Variants in CLGN observed in about 807,000 individuals in gnomAD.
CLGN encodes the protein testis tissue sperm-binding protein Li 79P.
In CLGN, 62 loss-of-function variants were observed where a neutral mutation model predicts 79.1. The observed-to-expected ratio is 0.78, with a 90% CI of 0.64 to 0.97. The LOEUF (loss-of-function observed/expected upper bound fraction) is 0.97, where lower values mean the gene tolerates loss of function less well. Among genes scored for constraint, CLGN ranks in the 50% least tolerant of loss-of-function variants. The pLI, the probability that CLGN is intolerant of heterozygous loss-of-function variation, is 0.00. For missense variants in CLGN, 647 were observed against 715.5 expected, an observed-to-expected ratio of 0.90 and a Z score of 1.09; for synonymous variants, 225 against 224.7, an observed-to-expected ratio of 1.00 and a Z score of -0.01.
At chr4:140,407,276 T>A (rs767565457) in intron 4 of CLGN, among the ~76,000 whole-genome samples, 22 of 152,168 alleles carry the variant, frequency 1.4e-4, no homozygotes, top group East Asian at 3.9e-4. Flanking sequence ...TCTCGCCCCC[T>A]ATAAAGGTCT....
intron 8 of CLGN, among the ~76,000 whole-genome samples, chr4:140,398,260 AC>A (rs1728930639): frequency 7.5e-6 from 1 of 133,024 alleles, no homozygotes; most frequent in African/African-American, 2.9e-5. Context: ...GGGCAAACAT[AC>A]TCTTTTTTTT....
At position 140,396,185 on chromosome 4, in the gene CLGN, T is replaced by C. The variant is rs1419054439; in HGVS notation, c.905A>G (p.Gln302Arg). Residue 302 changes from glutamine to arginine, a missense_variant, in exon 9 of 15, where the codon CAA becomes CGA. By Grantham distance (43) the Gln-to-Arg change is conservative. Coordinates refer to ENST00000325617, the MANE Select transcript of CLGN (RefSeq NM_004362.3). Reference sequence around the variant, plus strand: ...TTTAACAACACTTGAATCTTCTATTTGGGCAGGTTCACTTTCATCCCTGTA... The same window carrying C: ...TTTAACAACACTTGAATCTTCTATTCGGGCAGGTTCACTTTCATCCCTGTA... Reference protein sequence around the residue: ...PEDWDESEPAQIEDSSVVKPA... With the variant: ...PEDWDESEPARIEDSSVVKPA... 5.6e-6 allele frequency: 9 copies of C among 1,614,120 alleles called. No individual in the cohort carries two copies. Among genetic ancestry groups the C allele is most frequent in the Non-Finnish European group, 7.6e-6 (9 of 1,179,960 alleles).
At chr4:140,404,177 C>T (rs1434546605) in intron 5 of CLGN, among the ~76,000 whole-genome samples, 5 of 151,708 alleles carry the variant, frequency 3.3e-5, no homozygotes, top group East Asian at 1.9e-4. Flanking sequence ...CACTGCAAGC[C>T]CTGCCTCCCG....
Position 140,393,905 on chromosome 4 carries a change from A to C in CLGN, c.1286T>G (p.Ile429Ser). The C allele has an allele frequency of 6.2e-7, 1 of 1,613,784 alleles. No individual in the cohort carries two copies. The highest frequency in any genetic ancestry group is 2.2e-5 in the East Asian group (1 of 44,802). ...TSDIYFDNFI[I>S]CSEKEVADHW... ...ATCTGCTACTTCCTTTTCCGAACAGATAATAAAATTATCAAAGTAGATATC... is the reference window on the plus strand; with the variant it reads ...ATCTGCTACTTCCTTTTCCGAACAGCTAATAAAATTATCAAAGTAGATATC... Residue 429 changes from isoleucine (I) to serine (S), a missense_variant, in exon 11 of 15, where the codon ATC (isoleucine) becomes AGC (serine). Ile to Ser is a moderately radical substitution (Grantham distance 142). Transcript: ENST00000325617.
chr4:140,398,263 C>CTTTTTTTTTTTTTTTTT (rs1162212217), intron 8 of CLGN, among the ~76,000 whole-genome samples: 1 of 86,776 alleles, frequency 1.2e-5, no homozygotes, highest in Non-Finnish European at 2.1e-5. Flanking sequence ...CAAACATACT[C>CTTTTTTTTTTTTTTTTT]TTTTTTTTTT....
chr4:140,423,087 G>A (rs1317601792), intron 1 of CLGN, among the ~76,000 whole-genome samples: 1 of 151,914 alleles, frequency 6.6e-6, no homozygotes, highest in Non-Finnish European at 1.5e-5. Flanking sequence ...CGGGAGAAGT[G>A]GAAAAAGCAG....
rs1728970307 is a variant in CLGN at position 140,400,101 on chromosome 4, T to C, written c.694+256A>G. Among the ~76,000 whole-genome samples the C allele has an allele frequency of 2.0e-5, 3 of 152,340 alleles. No individual in the cohort carries two copies. In the Middle Eastern group the frequency reaches 0.01, roughly 518 times the overall value. On this transcript the variant is annotated intron_variant, in intron 7 of 14. Transcript: ENST00000325617. ...CTGTACTTCAAGACGAGTTCAAATA[T>C]AATCTTTCCTAGCTTTGTTCCAAGT...
At chr4:140,404,934 A>AGG (rs1729071462) in intron 5 of CLGN, among the ~76,000 whole-genome samples, 10 of 150,766 alleles carry the variant, frequency 6.6e-5, no homozygotes, top group Admixed American at 6.6e-4. Flanking sequence ...GGGATTACAC[A>AGG]CATGAGGCAT....
intron 5 of CLGN, among the ~76,000 whole-genome samples, chr4:140,403,070 A>G (rs1407825915): frequency 6.6e-6 from 1 of 152,138 alleles, no homozygotes; most frequent in Non-Finnish European, 1.5e-5. Context: ...AAAGGAAACA[A>G]AATTTTAAGT....
intron 12 of CLGN, 57 bp downstream of exon 12, chr4:140,392,529 C>G: frequency 6.5e-7 from 1 of 1,543,452 alleles, no homozygotes; most frequent in Non-Finnish European, 8.7e-7. Context: ...ATTTATAGAA[C>G]TCTTAAACAA....
Position 140,399,034 on chromosome 4 carries a change from T to TGACTTAGGGACTTAG in CLGN, c.700_701insCTAAGTCCCTAAGTC (p.Asn234delinsThrLysSerLeuSerHis). ...TAACACCTCAAATGTGTCATCTGGA[T>TGACTTAGGGACTTAG]TCATCACTAAGGGACCAATTTAAAT... On this transcript the variant is annotated protein_altering_variant, in exon 8 of 15. Coordinates refer to ENST00000325617, the MANE Select transcript of CLGN (RefSeq NM_004362.3). 1 of 1,609,132 alleles carries TGACTTAGGGACTTAG rather than the reference T, an allele frequency of 6.2e-7. No homozygotes were observed.
intron 3 of CLGN, among the ~76,000 whole-genome samples, chr4:140,410,194 G>A (rs1460906429): frequency 6.6e-6 from 1 of 151,830 alleles, no homozygotes; most frequent in Non-Finnish European, 1.5e-5. Context: ...TTTTTTTAAG[G>A]ACATCTGACA....
chr4:140,396,002 C>A, intron 9 of CLGN, 33 bp from the exon 10 acceptor site: 1 of 1,604,922 alleles, frequency 6.2e-7, no homozygotes, highest in Non-Finnish European at 8.5e-7. Flanking sequence ...AATACAGTAA[C>A]CTCAAGTCTC....
In CLGN at chr4:140,400,452, G is replaced by T. The variant is rs778980746; in HGVS notation, c.599C>A (p.Pro200His). Residue 200 changes from proline (P) to histidine (H), a missense_variant, in exon 7 of 15, where the codon CCC (proline) becomes CAC (histidine). Pro to His is a moderately conservative substitution (Grantham distance 77). Coordinates refer to ENST00000325617, the MANE Select transcript of CLGN (RefSeq NM_004362.3). Reference sequence around the variant, plus strand: ...TTTCTCTTCGAAAACTCCAGTTTTGGGATGTTTATGTCTGAAGATAAAATG... The same window carrying T: ...TTTCTCTTCGAAAACTCCAGTTTTGTGATGTTTATGTCTGAAGATAAAATG... Reference protein sequence around the residue: ...KLHFIFRHKHPKTGVFEEKHA... With the variant: ...KLHFIFRHKHHKTGVFEEKHA... 2.5e-6 allele frequency: 4 copies of T among 1,610,362 alleles called. No individual in the cohort carries two copies. Among genetic ancestry groups the T allele is most frequent in the South Asian group, 1.1e-5 (1 of 90,926 alleles).
chr4:140,393,884 G>A lies in CLGN; in HGVS notation c.1307C>T (p.Ala436Val). 6.2e-7 allele frequency: 1 copy of A among 1,613,702 alleles called. No individual in the cohort carries two copies. Among genetic ancestry groups the A allele is most frequent in the Non-Finnish European group, 8.5e-7 (1 of 1,179,790 alleles). ...CCAACCATCTGCAGCCCAGTGATCT[G>A]CTACTTCCTTTTCCGAACAGATAAT... ...NFIICSEKEV[A>V]DHWAADGWRW... The change falls in exon 11 of 15, where the codon GCA (alanine) becomes GTA (valine). Residue 436 changes from alanine (A) to valine (V), a missense_variant. Transcript: ENST00000325617.
Position 140,396,473 on chromosome 4 carries a change from T to G in CLGN, c.885-268A>C, listed in dbSNP as rs562707176. Among the ~76,000 whole-genome samples, 90 of 152,228 alleles carry G rather than the reference T, an allele frequency of 5.9e-4. 1 individual carries two copies. The highest frequency in any genetic ancestry group is 2.2e-3 in the Admixed American group (34 of 15,278). On this transcript the variant is annotated intron_variant, in intron 8 of 14. Coordinates refer to ENST00000325617, the MANE Select transcript of CLGN (RefSeq NM_004362.3). ...TATACATAATGTATTAGACCTTGCT[T>G]TTGTTACTTAAAAACTCAGTCATTC...
In CLGN at chr4:140,393,986, G is replaced by A. The variant is rs774127578; in HGVS notation, c.1205C>T (p.Pro402Leu). 2.5e-5 allele frequency: 40 copies of A among 1,613,432 alleles called. No homozygotes were observed. Among genetic ancestry groups the A allele is most frequent in the Admixed American group, 3.3e-5 (2 of 59,986 alleles). Reference protein sequence around the residue: ...PNPDYFEDDHPFLLTSFSALG... With the variant: ...PNPDYFEDDHLFLLTSFSALG... Reference sequence around the variant, plus strand: ...AGCACTGAAAGAAGTCAGAAGAAATGGATGATCATCTTCGAAATAATCTGG... The same window carrying A: ...AGCACTGAAAGAAGTCAGAAGAAATAGATGATCATCTTCGAAATAATCTGG... Residue 402 changes from proline (P) to leucine (L), a missense_variant, in exon 11 of 15, where the codon CCA becomes CTA. Transcript: ENST00000325617.
rs1729246037 is a variant in CLGN, at chr4:140,413,085, T to C, written c.-7A>G. ...AAAAGGCTTGGAAATGCATATTGATTATCTGTGAAATTAAAAGTAATTAGT... is the reference window on the plus strand; with the variant it reads ...AAAAGGCTTGGAAATGCATATTGATCATCTGTGAAATTAAAAGTAATTAGT... On this transcript the variant is annotated splice_region_variant and 5_prime_UTR_variant, in exon 2 of 15. It adds an upstream start codon to the 5' untranslated region. Transcript: ENST00000325617. 6.2e-7 allele frequency: 1 copy of C among 1,604,534 alleles called. No homozygotes were observed. Among genetic ancestry groups the C allele is most frequent in the Non-Finnish European group, 8.5e-7 (1 of 1,176,916 alleles).
rs915133807 is a variant in CLGN, at chr4:140,392,513, C to G, written c.1491+73G>C. On this transcript the variant is annotated intron_variant, in intron 12 of 14. Transcript: ENST00000325617. ...CATTTAGTTTATTACTTTTAAGAAT[C>G]GCTTAATTTATAGAACTCTTAAACA... is the stretch of plus-strand genomic sequence containing the variant. The G allele has an allele frequency of 1.0e-5, 15 of 1,500,482 alleles. No homozygotes were observed. The Admixed American group carries it at 1.4e-4, about 14-fold the overall frequency. The allele number at this position is 1,500,482 out of a possible 1,614,324, so 92.9% of individuals were successfully genotyped here. A position where few individuals can be genotyped will look rare whatever the true frequency, so the allele number is the denominator to read the frequency against.
Sources: allele counts gnomAD v4.1 joint callset (sites outside exome capture counted in the v4.1 genomes callset), GRCh38; gene constraint gnomAD v4.1.1; transcripts MANE v1.5; gene names NCBI Gene and HGNC (gene_info 2026-07-23, HGNC 2026-07-21).